Variants in FMNL3 observed in about 807,000 individuals in gnomAD.
The protein encoded by FMNL3 is formin-like protein 3.
In FMNL3, 57 loss-of-function variants were observed where a neutral mutation model predicts 119.6. The ratio of observed to expected loss-of-function variants is 0.48; its 90% CI spans 0.39 to 0.59. The LOEUF is 0.59. Among genes scored for constraint, FMNL3 ranks in the 20% least tolerant of loss-of-function variants. The pLI, the probability that FMNL3 is intolerant of heterozygous loss-of-function variation, is 0.00. For missense variants in FMNL3, 1,053 were observed against 1,323.5 expected (o/e 0.80, Z 3.17); for synonymous variants, 491 against 507.3 (o/e 0.97, Z 0.43).
intron 4 of FMNL3, among the ~76,000 whole-genome samples, chr12:49,662,979 T>C (rs979882735): frequency 2.0e-5 from 3 of 152,208 alleles, no homozygotes; most frequent in African/African-American, 7.2e-5. Context: ...CAAACTGCCC[T>C]GCGGGGCCTT....
In FMNL3 at chr12:49,668,515, G is replaced by C. The variant is rs1465398584; in HGVS notation, c.166C>G (p.Arg56Gly). The change falls in exon 2 of 26, where the codon CGG becomes GGG. Residue 56 changes from arginine to glycine, a missense_variant. Arg to Gly is a moderately radical substitution (Grantham distance 125). Transcript: ENST00000335154. ...CATTTCTTCTCATTGTCATACTGCC[G>C]CAGGAGCCGGGCCTTGTCTGGAGGC... ...NLPPDKARLL[R>G]QYDNEKKWDL... 6.2e-7 allele frequency: 1 copy of C among 1,614,044 alleles called. No homozygotes were observed. The highest frequency in any genetic ancestry group is 8.5e-7 in the Non-Finnish European group (1 of 1,179,992).
chr12:49,677,048 T>G lies in FMNL3; in HGVS notation c.127-8494A>C, dbSNP rs930460380. On this transcript the variant is annotated intron_variant, in intron 1 of 25. Coordinates refer to ENST00000335154, the MANE Select transcript of FMNL3 (RefSeq NM_175736.5). ...TTCGTATATTCCTTCTGTCCCTAAG[T>G]TTTCTACTCCATTGTACCCCAGAGA... is the stretch of plus-strand genomic sequence containing the variant. Among the ~76,000 whole-genome samples, 7 of 152,158 alleles carry G rather than the reference T, an allele frequency of 4.6e-5. No homozygotes were observed. The South Asian group carries it at 1.5e-3, about 32-fold the overall frequency.
At position 49,644,037 on chromosome 12, in the gene FMNL3, G is replaced by A; in HGVS notation, c.*1778C>T. The A allele has an allele frequency of 4.3e-6, 7 of 1,614,148 alleles. No homozygotes were observed. The highest frequency in any genetic ancestry group is 1.1e-5 in the South Asian group (1 of 91,086). ...GCAGGGGCCCTAGGCCAGTCAGCAC[G>A]CTGGTCAAGCTTCCACGGCCCTTAG... On this transcript the variant is annotated 3_prime_UTR_variant, in exon 26 of 26. Coordinates refer to ENST00000335154, the MANE Select transcript of FMNL3 (RefSeq NM_175736.5).
At chr12:49,689,136 A>G (rs187935183) in intron 1 of FMNL3, among the ~76,000 whole-genome samples, 8 of 152,290 alleles carry the variant, frequency 5.3e-5, no homozygotes, top group Admixed American at 3.3e-4. Flanking sequence ...ATTTTTTTTA[A>G]AGGAAAGCAA....
At position 49,650,807 on chromosome 12, in the gene FMNL3, G is replaced by C. The variant is rs1279664136; in HGVS notation, c.1869C>G (p.Cys623Trp). 11 of 1,614,208 alleles carry C rather than the reference G, an allele frequency of 6.8e-6. No homozygotes were observed. Among genetic ancestry groups the C allele is most frequent in the Non-Finnish European group, 8.5e-6 (10 of 1,180,028 alleles). Residue 623 changes from cysteine (C) to tryptophan (W), a missense_variant, in exon 17 of 26, where the codon TGC (cysteine) becomes TGG (tryptophan). Coordinates refer to ENST00000335154, the MANE Select transcript of FMNL3 (RefSeq NM_175736.5). ...CTTTTTGCGCTGTCTTGTTTTTGGA[G>C]CAGATGAGGTCAAGGGCAGGGCCCT... ...KAQGPALDLI[C>W]SKNKTAQKAA...
chr12:49,671,170 G>A (rs1234394231), intron 1 of FMNL3, among the ~76,000 whole-genome samples: 5 of 152,202 alleles, frequency 3.3e-5, no homozygotes, highest in African/African-American at 1.2e-4. Flanking sequence ...TTCTCCACCA[G>A]GTGAACTGAT....
At position 49,666,187 on chromosome 12, in the gene FMNL3, A is replaced by G. The variant is rs774648146; in HGVS notation, c.231T>C (p.Asn77=). 6.2e-6 allele frequency: 10 copies of G among 1,613,786 alleles called. No homozygotes were observed. The South Asian group carries it at 1.1e-4, about 18-fold the overall frequency. The change falls in exon 3 of 26, where the codon AAT becomes AAC. Residue 77 remains asparagine, a synonymous_variant. Transcript: ENST00000335154. ...GTTTCTGAATGTAAGTGTGGGGAGG[A>G]TTCTTCACCTGGAATCGTTCCTGTA... is the stretch of plus-strand genomic sequence containing the variant. The part of the protein sequence containing the change: ...ICDQERFQVK[N]PPHTYIQKLQ...
At chr12:49,656,275 G>A in intron 9 of FMNL3, 129 bp downstream of exon 9, 2 of 653,790 alleles carry the variant, frequency 3.1e-6, no homozygotes, top group Non-Finnish European at 5.2e-6. Context: ...GTTCAGGAGA[G>A]AGGCTGCTTG....
chr12:49,644,476 G>C lies in FMNL3; in HGVS notation c.*1339C>G. 2.3e-6 allele frequency: 1 copy of C among 432,388 alleles called. No individual in the cohort carries two copies. The highest frequency in any genetic ancestry group is 2.3e-5 in the South Asian group (1 of 44,412). The allele number at this position is 432,388 out of a possible 1,614,324, so 26.8% of individuals were successfully genotyped here. A position where few individuals can be genotyped will look rare whatever the true frequency, so the allele number is the denominator to read the frequency against. On this transcript the variant is annotated 3_prime_UTR_variant, in exon 26 of 26. Transcript: ENST00000335154. Reference sequence around the variant, plus strand: ...CCAGTAGATAAAAGTGTGAGAGAAGGGGTCTCCAGGGAAGAGTCACAGGCT... The same window carrying C: ...CCAGTAGATAAAAGTGTGAGAGAAGCGGTCTCCAGGGAAGAGTCACAGGCT...
In FMNL3 at chr12:49,652,184, A is replaced by C. The variant is rs1943425183; in HGVS notation, c.1352T>G (p.Val451Gly). 6.2e-7 allele frequency: 1 copy of C among 1,613,178 alleles called. No individual in the cohort carries two copies. The highest frequency in any genetic ancestry group is 8.5e-7 in the Non-Finnish European group (1 of 1,179,800). ...KETYENTSHQ[V>G]HTLRRLIKEK... ...TTTAATGAGCCTCCGCAGGGTGTGC[A>C]CCTGGTGGCTTGTGTTCTCATATGT... Residue 451 changes from valine (V) to glycine (G), a missense_variant, in exon 14 of 26, where the codon GTG becomes GGG. This residue lies in a region of FMNL3 where 445 missense variants were observed against 628.4 expected (regional missense o/e 0.71). Transcript: ENST00000335154.
chr12:49,687,376 G>A (rs1249015291), intron 1 of FMNL3, among the ~76,000 whole-genome samples: 2 of 151,616 alleles, frequency 1.3e-5, no homozygotes, highest in Non-Finnish European at 2.9e-5. Flanking sequence ...ACAGGCATGA[G>A]CCACCGCGCC....
chr12:49,641,627 G>C lies in FMNL3; in HGVS notation c.*4188C>G, dbSNP rs147401831. The stretch of plus-strand genomic sequence containing the variant: ...GCTGGGGCCAGAGCTTTAAGCCAAA[G>C]GAACAAAAGTTAATTTTGAGAAACT... On this transcript the variant is annotated 3_prime_UTR_variant, in exon 26 of 26. Coordinates refer to ENST00000335154, the MANE Select transcript of FMNL3 (RefSeq NM_175736.5). 638 of 423,116 alleles carry C rather than the reference G, an allele frequency of 1.5e-3. 8 individuals are homozygous for C. The highest frequency in any genetic ancestry group is 0.011 in the African/African-American group (540 of 50,348). The allele number at this position is 423,116 out of a possible 1,614,324, so 26.2% of individuals were successfully genotyped here.
At chr12:49,695,125 G>C (rs1216171256) in intron 1 of FMNL3, among the ~76,000 whole-genome samples, 1 of 151,506 alleles carries the variant, frequency 6.6e-6, no homozygotes, top group African/African-American at 2.4e-5. Context: ...CCAAGAGTTC[G>C]ACTCCAGTTT....
chr12:49,677,011 C>G (rs565680374), intron 1 of FMNL3, among the ~76,000 whole-genome samples: 1 of 152,152 alleles, frequency 6.6e-6, no homozygotes, highest in Non-Finnish European at 1.5e-5. Context: ...TTGGGCAAAT[C>G]GAATTTCTCC....
intron 1 of FMNL3, among the ~76,000 whole-genome samples, chr12:49,686,970 C>T (rs1944480073): frequency 6.6e-6 from 1 of 152,156 alleles, no homozygotes; most frequent in African/African-American, 2.4e-5. Flanking sequence ...CATAGGGAGC[C>T]CCTTCCTCGG....
In FMNL3 at chr12:49,657,112, G is replaced by A; in HGVS notation, c.684C>T (p.Ile228=). ...AGTTCATGATGGCTCTGAGACAAAG[G>A]ATACAGACGTGGACGTCATCCTTCT... ...VSQKDDVHVC[I]LCLRAIMNYQ... Residue 228 remains isoleucine (I), a synonymous_variant, in exon 7 of 26, where the codon ATC becomes ATT. Coordinates refer to ENST00000335154, the MANE Select transcript of FMNL3 (RefSeq NM_175736.5). 1 of 1,614,140 alleles carries A rather than the reference G, an allele frequency of 6.2e-7. No individual in the cohort carries two copies. Among genetic ancestry groups the A allele is most frequent in the Non-Finnish European group, 8.5e-7 (1 of 1,180,022 alleles).
At position 49,636,552 on chromosome 12, in the gene FMNL3, C is replaced by T. The variant is rs1281308066; in HGVS notation, c.*9263G>A. 2 of 727,876 alleles carry T rather than the reference C, an allele frequency of 2.7e-6. No homozygotes were observed. The highest frequency in any genetic ancestry group is 2.5e-5 in the East Asian group (1 of 39,476). The allele number at this position is 727,876 out of a possible 1,614,324, so 45.1% of individuals were successfully genotyped here. Reference sequence around the variant, plus strand: ...ATTAATGATCCCCTCTTAAGAACTACCATTGCAGTGGCTGCTCCCACAGAG... The same window carrying T: ...ATTAATGATCCCCTCTTAAGAACTATCATTGCAGTGGCTGCTCCCACAGAG... On this transcript the variant is annotated 3_prime_UTR_variant, in exon 26 of 26. Transcript: ENST00000335154.
At chr12:49,672,219 A>G (rs1257458427) in intron 1 of FMNL3, among the ~76,000 whole-genome samples, 1 of 151,858 alleles carries the variant, frequency 6.6e-6, no homozygotes, top group Non-Finnish European at 1.5e-5. Flanking sequence ...AGAGCAATCC[A>G]TTATCCCTTC....
chr12:49,673,944 A>T (rs184580586), intron 1 of FMNL3, among the ~76,000 whole-genome samples: 85 of 152,368 alleles, frequency 5.6e-4, no homozygotes, highest in African/African-American at 2.0e-3. Flanking sequence ...CAAGAGCTAA[A>T]ATTTTAAAAG....
Sources: allele counts gnomAD v4.1 joint callset (sites outside exome capture counted in the v4.1 genomes callset), GRCh38; gene constraint gnomAD v4.1.1; regional missense constraint gnomAD v4.1.1; transcripts MANE v1.5; gene names NCBI Gene and HGNC (gene_info 2026-07-23, HGNC 2026-07-21).